The following CYS1 variants were observed in gnomAD, a reference collection of about 807,000 sequenced individuals.
CYS1 encodes the protein cystin-1.
In CYS1, 5 loss-of-function variants were observed where a neutral mutation model predicts 9.6. That is an observed-to-expected ratio of 0.52 (90% CI 0.27 to 1.10). The LOEUF (loss-of-function observed/expected upper bound fraction) is 1.10. Among genes scored for constraint, CYS1 ranks in the 50% least tolerant of loss-of-function variants. The probability of loss-of-function intolerance (pLI) is 0.11; values close to 1 mark genes in which losing one functional copy is unlikely to be tolerated. For synonymous variants in CYS1, 88 were observed against 95.7 expected, an observed-to-expected ratio of 0.92 and a Z score of 0.47; for missense variants, 221 against 207.9, an observed-to-expected ratio of 1.06 and a Z score of -0.39.
intron 1 of CYS1, among the ~76,000 whole-genome samples, chr2:10,078,928 A>G (rs999406743): frequency 7.9e-5 from 12 of 152,246 alleles, no homozygotes; most frequent in Admixed American, 7.8e-4. Flanking sequence ...TTGAAAATGA[A>G]CACTAAAATT....
At chr2:10,062,785 G>T (rs991428788) in intron 2 of CYS1, among the ~76,000 whole-genome samples, 9 of 152,220 alleles carry the variant, frequency 5.9e-5, no homozygotes, top group African/African-American at 2.2e-4. Flanking sequence ...CTAGGAAAAT[G>T]GGGAGGAGTA....
chr2:10,066,001 T>C (rs1194456093), intron 1 of CYS1, 45 bp from the exon 2 acceptor site: 2 of 1,608,898 alleles, frequency 1.2e-6, no homozygotes, highest in African/African-American at 1.3e-5. Context: ...TTGTCAACAG[T>C]GCAGCCTGCC....
intron 2 of CYS1, among the ~76,000 whole-genome samples, chr2:10,059,478 CTTGAGGTCAGGAA>C (rs1474960569): frequency 1.3e-5 from 2 of 152,206 alleles, no homozygotes; most frequent in African/African-American, 4.8e-5. Flanking sequence ...GGGCAGATCA[CTTGAGGTCAGGAA>C]TTCGAGACCA....
rs763271790 is a variant in CYS1, at chr2:10,065,928, T to G, written c.347A>C (p.His116Pro). The G allele has an allele frequency of 3.1e-6, 5 of 1,614,170 alleles. No individual in the cohort carries two copies. Among genetic ancestry groups the G allele is most frequent in the Non-Finnish European group, 4.2e-6 (5 of 1,180,038 alleles). ...AVCAEQSTEG[H>P]PGSGNVSEAP... is the part of the protein sequence containing the mutation. ...CTCAGAGACATTGCCGCTCCCCGGGTGGCCCTCTGTGCTCTGCTCTGCGCA... is the reference window on the plus strand; with the variant it reads ...CTCAGAGACATTGCCGCTCCCCGGGGGGCCCTCTGTGCTCTGCTCTGCGCA... The change falls in exon 2 of 3, where the codon CAC becomes CCC. Residue 116 changes from histidine (H) to proline (P), a missense_variant. His to Pro is a moderately conservative substitution (Grantham distance 77). Transcript: ENST00000381813.
chr2:10,078,837 G>A (rs1379181307), intron 1 of CYS1, among the ~76,000 whole-genome samples: 3 of 152,174 alleles, frequency 2.0e-5, no homozygotes, highest in Non-Finnish European at 4.4e-5. Flanking sequence ...TCACCATGAT[G>A]AATAATATCA....
In CYS1 at chr2:10,057,658, T is replaced by C; in HGVS notation, c.*1195A>G. Reference sequence around the variant, plus strand: ...CCTTCTTTCCCTTCTGTCTCCTCCTTCCCCCTCTGTCCTGATGCCCTGCAG... The same window carrying C: ...CCTTCTTTCCCTTCTGTCTCCTCCTCCCCCCTCTGTCCTGATGCCCTGCAG... On this transcript the variant is annotated 3_prime_UTR_variant, in exon 3 of 3. Coordinates refer to ENST00000381813, the MANE Select transcript of CYS1 (RefSeq NM_001037160.3). 6.6e-6 allele frequency: 1 copy of C among 152,480 alleles called. No homozygotes were observed. Among genetic ancestry groups the C allele is most frequent in the Non-Finnish European group, 1.5e-5 (1 of 68,280 alleles). 9.4% of individuals were successfully genotyped at this position (152,480 alleles called of 1,614,324 possible).
chr2:10,071,655 G>A (rs957733794), intron 1 of CYS1, among the ~76,000 whole-genome samples: 2 of 152,198 alleles, frequency 1.3e-5, no homozygotes, highest in Non-Finnish European at 2.9e-5. Flanking sequence ...GATGGAAAAA[G>A]CATGAGACTC....
intron 2 of CYS1, among the ~76,000 whole-genome samples, chr2:10,059,288 T>C (rs528327807): frequency 2.6e-5 from 4 of 152,376 alleles, no homozygotes; most frequent in Admixed American, 2.0e-4. Context: ...CCAGTGTGTC[T>C]CCGAGCCTCG....
chr2:10,073,609 C>G (rs1333803030), intron 1 of CYS1, among the ~76,000 whole-genome samples: 5 of 151,804 alleles, frequency 3.3e-5, no homozygotes, highest in Non-Finnish European at 7.4e-5. Context: ...GGGCTGCTTT[C>G]CCTGCTGGGT....
At chr2:10,064,586 T>G (rs2125288349) in intron 2 of CYS1, among the ~76,000 whole-genome samples, 1 of 152,242 alleles carries the variant, frequency 6.6e-6, no homozygotes, top group Non-Finnish European at 1.5e-5. Context: ...CCCAACACTT[T>G]AATCCTCCCT....
At chr2:10,075,321 C>T (rs1336026140) in intron 1 of CYS1, among the ~76,000 whole-genome samples, 1 of 152,248 alleles carries the variant, frequency 6.6e-6, no homozygotes, top group African/African-American at 2.4e-5. Context: ...GCCTTTACAA[C>T]ATGCTTCCAC....
chr2:10,056,492 T>C lies in CYS1; in HGVS notation c.*2361A>G, dbSNP rs1001405567. 2.0e-5 allele frequency among the ~76,000 whole-genome samples: 3 copies of C among 152,224 alleles called. No homozygotes were observed. Among genetic ancestry groups the C allele is most frequent in the Non-Finnish European group, 4.4e-5 (3 of 68,040 alleles). The stretch of plus-strand genomic sequence containing the variant: ...GACACATTTGTGGTCACTTAAGATT[T>C]TTCCAGACAACAACGTGCGTCATTT... On this transcript the variant is annotated 3_prime_UTR_variant, in exon 3 of 3. Coordinates refer to ENST00000381813, the MANE Select transcript of CYS1 (RefSeq NM_001037160.3).
At chr2:10,077,518 T>A (rs1017859114) in intron 1 of CYS1, among the ~76,000 whole-genome samples, 1 of 152,204 alleles carries the variant, frequency 6.6e-6, no homozygotes, top group Non-Finnish European at 1.5e-5. Context: ...CCTTTCTTCC[T>A]AAAGAAACTA....
intron 1 of CYS1, among the ~76,000 whole-genome samples, chr2:10,067,346 T>G (rs1223679054): frequency 6.6e-6 from 1 of 152,074 alleles, no homozygotes; most frequent in East Asian, 1.9e-4. Flanking sequence ...AAATAAAATT[T>G]TCTACTTGCT....
At chr2:10,061,131 CTGAGGCTGGAGAATCACT>C (rs550500262) in intron 2 of CYS1, among the ~76,000 whole-genome samples, 1 of 152,284 alleles carries the variant, frequency 6.6e-6, no homozygotes. Context: ...ACTCAGGAGG[CTGAGGCTGGAGAATCACT>C]TGAGCCTGGG....
rs993925295 is a variant in CYS1 at position 10,056,906 on chromosome 2, A to T, written c.*1947T>A. ...GAAGACACTTCCTGAATTCAGGAAA[A>T]ATTTTTTTAAAAACCTGAGAACAAT... On this transcript the variant is annotated 3_prime_UTR_variant, in exon 3 of 3. Coordinates refer to ENST00000381813, the MANE Select transcript of CYS1 (RefSeq NM_001037160.3). 3 of 152,206 alleles carry T rather than the reference A, an allele frequency of 2.0e-5. No homozygotes were observed. The highest frequency in any genetic ancestry group is 6.5e-5 in the Admixed American group (1 of 15,284). The allele number at this position is 152,206 out of a possible 1,614,324, so 9.4% of individuals were successfully genotyped here. A position where few individuals can be genotyped will look rare whatever the true frequency, so the allele number is the denominator to read the frequency against.
At chr2:10,077,714 C>T (rs1180012568) in intron 1 of CYS1, among the ~76,000 whole-genome samples, 2 of 151,974 alleles carry the variant, frequency 1.3e-5, no homozygotes. Context: ...AGTATGCAGG[C>T]GTTATCTGAA....
At chr2:10,078,942 T>G (rs1661898632) in intron 1 of CYS1, among the ~76,000 whole-genome samples, 1 of 152,260 alleles carries the variant, frequency 6.6e-6, no homozygotes, top group African/African-American at 2.4e-5. Context: ...TAAAATTAAC[T>G]GCCTCCTTGC....
chr2:10,069,500 C>T (rs1661737136), intron 1 of CYS1, among the ~76,000 whole-genome samples: 1 of 152,070 alleles, frequency 6.6e-6, no homozygotes, highest in Non-Finnish European at 1.5e-5. Flanking sequence ...TCCCGAGTAG[C>T]TGGGACCACA....
Sources: gnomAD v4.1 joint callset for allele counts (sites outside exome capture counted in the v4.1 genomes callset) on GRCh38, gnomAD v4.1.1 for gene constraint, MANE v1.5 for transcripts, NCBI Gene and HGNC (gene_info 2026-07-23, HGNC 2026-07-21) for gene names.